Variants in SLC25A30 observed in about 807,000 individuals in gnomAD.
SLC25A30 encodes solute carrier family 25 member 30.
A neutral mutation model predicts 42.7 loss-of-function variants in SLC25A30; 29 were observed. The ratio of observed to expected loss-of-function variants is 0.68; its 90% CI spans 0.51 to 0.93. The LOEUF is 0.93. Ranked by LOEUF, SLC25A30 falls within the 40% of genes least tolerant of loss-of-function variation. The pLI is 0.00. For missense variants in SLC25A30, 300 were observed against 359.7 expected, an observed-to-expected ratio of 0.83 and a Z score of 1.34; for synonymous variants, 124 against 131.0, an observed-to-expected ratio of 0.95 and a Z score of 0.37.
chr13:45,425,116 T>TATAAATATATAAGTA, the SLC25A30 span, among the ~76,000 whole-genome samples: 1 of 15,870 alleles, frequency 6.3e-5, no homozygotes, highest in Non-Finnish European at 1.0e-4. Flanking sequence ...ATAAATATAT[T>TATAAATATATAAGTA]TATAAATATA....
rs183967074 is a variant in SLC25A30 at position 45,394,055 on chromosome 13, C to T, written c.*1919G>A. ...TCAAAGAACTCAAAAGTGAAAGCCT[C>T]TCTATAGAAAGTCTTTATAAAATCA... On this transcript the variant is annotated 3_prime_UTR_variant, in exon 10 of 10. Coordinates refer to ENST00000519676, the MANE Select transcript of SLC25A30 (RefSeq NM_001010875.4). The T allele has an allele frequency of 4.1e-6, 4 of 985,150 alleles. No homozygotes were observed. The highest frequency in any genetic ancestry group is 3.5e-5 in the African/African-American group (2 of 57,300). 61.0% of individuals were successfully genotyped at this position (985,150 alleles called of 1,614,324 possible). A position where few individuals can be genotyped will look rare whatever the true frequency, so the allele number is the denominator to read the frequency against.
At chr13:45,416,494 T>C (rs917809946) in intron 1 of SLC25A30, among the ~76,000 whole-genome samples, 2 of 152,046 alleles carry the variant, frequency 1.3e-5, no homozygotes, top group Non-Finnish European at 2.9e-5. Flanking sequence ...TTAGCTGGGC[T>C]AGTCACACAT....
At chr13:45,430,254 G>A in the SLC25A30 span, among the ~76,000 whole-genome samples, 60 of 152,022 alleles carry the variant, frequency 3.9e-4, no homozygotes, top group Non-Finnish European at 7.1e-4. Flanking sequence ...CTGTGTTTGC[G>A]TGAATATGTG....
At chr13:45,417,416 T>G (rs1472592537) in intron 1 of SLC25A30, among the ~76,000 whole-genome samples, 2 of 152,244 alleles carry the variant, frequency 1.3e-5, no homozygotes, top group Non-Finnish European at 2.9e-5. Flanking sequence ...TGTGCTCTCA[T>G]ACATTTATTG....
At position 45,405,931 on chromosome 13, in the gene SLC25A30, TC is replaced by T. The variant is rs1246010849; in HGVS notation, c.258del (p.Ile87Ter). The T allele has an allele frequency of 6.2e-7, 1 of 1,614,214 alleles. No homozygotes were observed. Among genetic ancestry groups the T allele is most frequent in the African/African-American group, 1.3e-5 (1 of 75,068 alleles). ...MLRQASYGTI[K>X]IGTYQSLKRL... ...CGCTTCAAGCTCTGGTAAGTGCCTA[TC>T]TTGATGGTGCCATAGGATGCCTGGC... On this transcript the variant is annotated frameshift_variant, in exon 4 of 10. Transcript: ENST00000519676. LOFTEE classifies it high-confidence loss of function.
chr13:45,410,204 T>C (rs894712348), intron 2 of SLC25A30, among the ~76,000 whole-genome samples: 10 of 152,158 alleles, frequency 6.6e-5, no homozygotes, highest in Non-Finnish European at 1.2e-4. Context: ...AAGTCACAAA[T>C]GGGAACTGGA....
chr13:45,427,120 G>A, the SLC25A30 span, among the ~76,000 whole-genome samples: 8 of 152,070 alleles, frequency 5.3e-5, no homozygotes. Context: ...CTGGGACCCA[G>A]GACTAGGGAG....
intron 3 of SLC25A30, among the ~76,000 whole-genome samples, chr13:45,407,000 G>A (rs1444202650): frequency 1.3e-5 from 2 of 152,024 alleles, no homozygotes; most frequent in Non-Finnish European, 2.9e-5. Flanking sequence ...GGTGGCTCAT[G>A]CCTGTAATCC....
At chr13:45,409,626 T>G (rs1224563147) in intron 2 of SLC25A30, among the ~76,000 whole-genome samples, 1 of 152,022 alleles carries the variant, frequency 6.6e-6, no homozygotes, top group African/African-American at 2.4e-5. Context: ...CTGGCCAACA[T>G]GGTGAAACCC....
chr13:45,399,045 C>T lies in SLC25A30; in HGVS notation c.648G>A (p.Leu216=), dbSNP rs774454345. 8 of 1,612,740 alleles carry T rather than the reference C, an allele frequency of 5.0e-6. No individual in the cohort carries two copies. The highest frequency in any genetic ancestry group is 1.1e-5 in the South Asian group (1 of 90,874). ...TCACAACATCAACAGGGTTTGAGGC[C>T]AGGGCCCCTGCCAGACCACAGGTGA... The part of the protein sequence containing the change: ...SSFTCGLAGA[L]ASNPVDVVRT... Residue 216 remains leucine (L), a synonymous_variant, in exon 8 of 10, where the codon CTG becomes CTA. Transcript: ENST00000519676.
intron 7 of SLC25A30, among the ~76,000 whole-genome samples, chr13:45,399,412 T>A (rs1881705816): frequency 1.3e-5 from 2 of 152,196 alleles, no homozygotes; most frequent in Non-Finnish European, 2.9e-5. Context: ...TTTCGCCATG[T>A]TGGCCAGGCT....
Position 45,401,175 on chromosome 13 carries a change from A to T in SLC25A30, c.522T>A (p.Ile174=). 4 of 1,614,132 alleles carry T rather than the reference A, an allele frequency of 2.5e-6. No individual in the cohort carries two copies. The highest frequency in any genetic ancestry group is 3.4e-6 in the Non-Finnish European group (4 of 1,179,998). Residue 174 remains isoleucine (I), a synonymous_variant, in exon 7 of 10, where the codon ATT becomes ATA. Coordinates refer to ENST00000519676, the MANE Select transcript of SLC25A30 (RefSeq NM_001010875.4). ...GVSLTAQRAA[I]VVGVELPVYD... ...AGACCGGCAGCTCCACACCAACAAC[A>T]ATAGCAGCCCTCTGCGCAGTAAGGG...
At chr13:45,424,152 T>TACATATAAATATATAA in the SLC25A30 span, among the ~76,000 whole-genome samples, 1 of 87,202 alleles carries the variant, frequency 1.1e-5, no homozygotes, top group Non-Finnish European at 2.0e-5. Context: ...AATATAAGTA[T>TACATATAAATATATAA]ATATATAGAA....
Position 45,395,707 on chromosome 13 carries a change from A to C in SLC25A30, c.*267T>G. On this transcript the variant is annotated 3_prime_UTR_variant, in exon 10 of 10. Coordinates refer to ENST00000519676, the MANE Select transcript of SLC25A30 (RefSeq NM_001010875.4). ...TTCTTGCAAGTTTTCTTTAGCAAGA[A>C]ACATGCATTTCACATATTATCTTTG... 7.4e-7 allele frequency: 1 copy of C among 1,355,554 alleles called. No homozygotes were observed. The highest frequency in any genetic ancestry group is 2.9e-5 in the East Asian group (1 of 34,234). The allele number at this position is 1,355,554 out of a possible 1,614,324, so 84.0% of individuals were successfully genotyped here.
chr13:45,394,705 GAA>G lies in SLC25A30; in HGVS notation c.*1267_*1268del, dbSNP rs1881187554. 5.1e-6 allele frequency: 5 copies of G among 985,018 alleles called. No individual in the cohort carries two copies. The highest frequency in any genetic ancestry group is 6.0e-6 in the Non-Finnish European group (5 of 829,570). The allele number at this position is 985,018 out of a possible 1,614,324, so 61.0% of individuals were successfully genotyped here. On this transcript the variant is annotated 3_prime_UTR_variant, in exon 10 of 10. Transcript: ENST00000519676. ...ATAAGAAAATAGAAAAAGAAAAAAA[GAA>G]GAGGGAGAATGACTTATTGTGTCTA...
chr13:45,395,415 T>C lies in SLC25A30; in HGVS notation c.*559A>G, dbSNP rs1381349225. 1.0e-6 allele frequency: 1 copy of C among 986,518 alleles called. No homozygotes were observed. The highest frequency in any genetic ancestry group is 1.1e-4 in the East Asian group (1 of 8,824). The allele number at this position is 986,518 out of a possible 1,614,324, so 61.1% of individuals were successfully genotyped here. A position where few individuals can be genotyped will look rare whatever the true frequency, so the allele number is the denominator to read the frequency against. ...TTATAAGTGGAAGATCCTGCCAAAA[T>C]AGGAAATGATAAAGCAGTGTGATAT... is the stretch of plus-strand genomic sequence containing the variant. On this transcript the variant is annotated 3_prime_UTR_variant, in exon 10 of 10. Transcript: ENST00000519676.
upstream of SLC25A30, among the ~76,000 whole-genome samples, chr13:45,418,963 A>C (rs1387309301): frequency 7.3e-5 from 8 of 110,112 alleles, no homozygotes; most frequent in Non-Finnish European, 9.1e-5. Context: ...AAAAAAAAAA[A>C]AAAAAAAAAA....
At chr13:45,400,321 C>G (rs1304749892) in intron 7 of SLC25A30, among the ~76,000 whole-genome samples, 1 of 151,804 alleles carries the variant, frequency 6.6e-6, no homozygotes, top group East Asian at 1.9e-4. Context: ...ACTTGGAAGG[C>G]TGAGGCAGGA....
chr13:45,394,095 AAAG>A lies in SLC25A30; in HGVS notation c.*1876_*1878del. Reference sequence around the variant, plus strand: ...TTATAAAATCAATGGAATGTTTTGGAAAGAAGAAAAAATCCTAAGGTGTAGTTT... The same window carrying A: ...TTATAAAATCAATGGAATGTTTTGGAAAGAAAAAATCCTAAGGTGTAGTTT... On this transcript the variant is annotated 3_prime_UTR_variant, in exon 10 of 10. Transcript: ENST00000519676. The A allele has an allele frequency of 1.0e-6, 1 of 985,436 alleles. No individual in the cohort carries two copies. Among genetic ancestry groups the A allele is most frequent in the Non-Finnish European group, 1.2e-6 (1 of 829,934 alleles). The allele number at this position is 985,436 out of a possible 1,614,324, so 61.0% of individuals were successfully genotyped here.
Sources: gnomAD v4.1 joint callset for allele counts (sites outside exome capture counted in the v4.1 genomes callset) on GRCh38, gnomAD v4.1.1 for gene constraint, MANE v1.5 for transcripts, NCBI Gene and HGNC (gene_info 2026-07-23, HGNC 2026-07-21) for gene names.